The following KATNAL2 variants were observed in gnomAD, a reference collection of about 807,000 sequenced individuals.
KATNAL2 encodes the protein katanin catalytic subunit A1 like 2, also known as katanin p60 ATPase-containing subunit A-like 2.
In KATNAL2, 52 loss-of-function variants were observed where a neutral mutation model predicts 76.3. The ratio of observed to expected loss-of-function variants is 0.68; its 90% CI spans 0.55 to 0.86. KATNAL2 has a LOEUF of 0.86. Ranked by LOEUF, KATNAL2 falls within the 40% of genes least tolerant of loss-of-function variation. The pLI, the probability that KATNAL2 is intolerant of heterozygous loss-of-function variation, is 0.00. For missense variants in KATNAL2, 660 were observed against 668.9 expected, an observed-to-expected ratio of 0.99 and a Z score of 0.15; for synonymous variants, 243 against 244.2, an observed-to-expected ratio of 1.00 and a Z score of 0.05.
chr18:46,926,461 A>G (rs2146518801), intron 1 of KATNAL2, among the ~76,000 whole-genome samples: 2 of 152,102 alleles, frequency 1.3e-5, no homozygotes, highest in African/African-American at 4.8e-5. Flanking sequence ...AGTTTGTTAT[A>G]ATTGCTGTTC....
intron 1 of KATNAL2, among the ~76,000 whole-genome samples, chr18:46,943,541 G>A (rs1970669): frequency 1 from 152,290 of 152,306 alleles, 76,137 homozygotes; most frequent in Middle Eastern, 1. Context: ...AAATGCCATG[G>A]CAATGTTAGG....
In KATNAL2 at chr18:47,100,317, G is replaced by C. The variant is rs369811935; in HGVS notation, c.1438G>C (p.Val480Leu). Residue 480 changes from valine (V) to leucine (L), a missense_variant, in exon 17 of 18, where the codon GTG (valine) becomes CTG (leucine). Coordinates refer to ENST00000683218, the MANE Select transcript of KATNAL2 (RefSeq NM_001387690.1). ...LVCREAAMRP[V>L]RKIFDALENH... ...CTGCAGGGAAGCAGCCATGCGGCCCGTGAGGAAGATCTTTGATGCACTTGA... is the reference window on the plus strand; with the variant it reads ...CTGCAGGGAAGCAGCCATGCGGCCCCTGAGGAAGATCTTTGATGCACTTGA... 3 of 1,614,130 alleles carry C rather than the reference G, an allele frequency of 1.9e-6. No individual in the cohort carries two copies. The highest frequency in any genetic ancestry group is 1.7e-6 in the Non-Finnish European group (2 of 1,179,968).
At chr18:47,034,379 C>T (rs1569054024) in intron 3 of KATNAL2, 6 of 1,613,964 alleles carry the variant, frequency 3.7e-6, no homozygotes, top group Non-Finnish European at 5.1e-6. Flanking sequence ...TCCTCCAAGG[C>T]AGGGACACGC....
intron 15 of KATNAL2, 27 bp from the exon 16 acceptor site, chr18:47,099,206 GCAGCCCTGTC>G: frequency 6.4e-7 from 1 of 1,567,392 alleles, no homozygotes; most frequent in Non-Finnish European, 8.7e-7. Flanking sequence ...AAGTGTGTTT[GCAGCCCTGTC>G]CAGCTCCATT....
intron 1 of KATNAL2, among the ~76,000 whole-genome samples, chr18:46,930,777 A>G (rs1274365117): frequency 6.6e-6 from 1 of 151,478 alleles, no homozygotes; most frequent in Non-Finnish European, 1.5e-5. Context: ...ATTGCACCTC[A>G]GCTTGGGTGA....
intron 1 of KATNAL2, among the ~76,000 whole-genome samples, chr18:46,939,279 A>C (rs1489010949): frequency 1.3e-5 from 2 of 151,780 alleles, no homozygotes; most frequent in Non-Finnish European, 2.9e-5. Flanking sequence ...GTTGCAGTGA[A>C]CCGAGATTGT....
intron 5 of KATNAL2, among the ~76,000 whole-genome samples, chr18:47,053,410 A>G (rs997135125): frequency 6.6e-6 from 1 of 152,244 alleles, no homozygotes; most frequent in African/African-American, 2.4e-5. Context: ...GAGACCTATT[A>G]TCTGTCTTGA....
intron 1 of KATNAL2, among the ~76,000 whole-genome samples, chr18:46,930,806 T>TA (rs1254726725): frequency 6.9e-6 from 1 of 143,996 alleles, no homozygotes; most frequent in Non-Finnish European, 1.5e-5. Context: ...GACTCCATGT[T>TA]AAAAAAAATA....
At chr18:47,035,823 A>G (rs182702293) in intron 3 of KATNAL2, among the ~76,000 whole-genome samples, 1 of 152,332 alleles carries the variant, frequency 6.6e-6, no homozygotes, top group Non-Finnish European at 1.5e-5. Context: ...CACAGACTGA[A>G]TCTTCTTGGG....
At chr18:46,924,478 G>A (rs1467196365) in intron 1 of KATNAL2, among the ~76,000 whole-genome samples, 1 of 152,144 alleles carries the variant, frequency 6.6e-6, no homozygotes, top group Non-Finnish European at 1.5e-5. Context: ...AGTTACTGTG[G>A]CCTTGTAGTA....
At chr18:47,064,181 G>A (rs2061719706) in intron 10 of KATNAL2, among the ~76,000 whole-genome samples, 1 of 151,568 alleles carries the variant, frequency 6.6e-6, no homozygotes, top group Non-Finnish European at 1.5e-5. Context: ...ACGAGTCAGA[G>A]CATAGTCCTT....
At chr18:46,948,345 C>G (rs1214354570) in intron 3 of KATNAL2, among the ~76,000 whole-genome samples, 1 of 151,354 alleles carries the variant, frequency 6.6e-6, no homozygotes, top group Non-Finnish European at 1.5e-5. Flanking sequence ...CTTTTGAGCT[C>G]AGGCAATCTT....
intron 1 of KATNAL2, 40 bp downstream of exon 1, chr18:46,917,966 A>T (rs2058183579): frequency 1.3e-5 from 2 of 151,972 alleles, no homozygotes; most frequent in Non-Finnish European, 2.9e-5. Context: ...GTTGTGTGAC[A>T]CCTCTTTGAA....
chr18:46,930,070 G>A (rs1005194304), intron 1 of KATNAL2, among the ~76,000 whole-genome samples: 3 of 152,112 alleles, frequency 2.0e-5, no homozygotes, highest in Non-Finnish European at 4.4e-5. Flanking sequence ...CACTGCACCT[G>A]GTCCTTAACT....
chr18:46,922,671 C>A (rs188441844), intron 1 of KATNAL2, among the ~76,000 whole-genome samples: 2 of 151,562 alleles, frequency 1.3e-5, no homozygotes, highest in African/African-American at 4.8e-5. Flanking sequence ...GTGGTGCATG[C>A]CTGTAATCCT....
chr18:46,939,125 A>G (rs2146611089), intron 1 of KATNAL2, among the ~76,000 whole-genome samples: 1 of 152,206 alleles, frequency 6.6e-6, no homozygotes, highest in East Asian at 1.9e-4. Flanking sequence ...GCAGATCACA[A>G]GGTCAGGAGA....
rs148791504 is a variant in KATNAL2, at chr18:47,058,287, C to T, written c.385C>T (p.Arg129Trp). 748 of 1,613,976 alleles carry T rather than the reference C, an allele frequency of 4.6e-4. 1 individual carries two copies. The highest frequency in any genetic ancestry group is 4.0e-3 in the East Asian group (181 of 44,858). Reference protein sequence around the residue: ...NLPKINQQRPRSKTTAGKTGD... With the variant: ...NLPKINQQRPWSKTTAGKTGD... ...TCCCAAGATCAATCAGCAGAGGCCCCGGTCCAAAACCACAGCGGGGAAGAC... is the reference window on the plus strand; with the variant it reads ...TCCCAAGATCAATCAGCAGAGGCCCTGGTCCAAAACCACAGCGGGGAAGAC... The change falls in exon 7 of 18, where the codon CGG (arginine) becomes TGG (tryptophan). Residue 129 changes from arginine to tryptophan, a missense_variant. Coordinates refer to ENST00000683218, the MANE Select transcript of KATNAL2 (RefSeq NM_001387690.1).
intron 3 of KATNAL2, among the ~76,000 whole-genome samples, chr18:47,035,933 T>C (rs1408831628): frequency 6.6e-6 from 1 of 152,172 alleles, no homozygotes; most frequent in East Asian, 1.9e-4. Context: ...TGAGGGGACT[T>C]CCCAAATTTG....
chr18:47,059,608 C>G lies in KATNAL2; in HGVS notation c.503C>G (p.Ser168Ter). 1 of 1,613,734 alleles carries G rather than the reference C, an allele frequency of 6.2e-7. No individual in the cohort carries two copies. Among genetic ancestry groups the G allele is most frequent in the Non-Finnish European group, 8.5e-7 (1 of 1,179,658 alleles). ...LESANFGLHI[S>*]RIRKDSGEEN... ...AGTGCCAACTTCGGCCTACATATAT[C>G]AAGAATCCGTAAAGACAGTGGAGAG... The change falls in exon 8 of 18, where the codon TCA becomes TGA. Residue 168 changes from serine to a stop codon, truncating the protein, a stop_gained. Transcript: ENST00000683218. LOFTEE classifies it high-confidence loss of function.
Sources: gnomAD v4.1 joint callset for allele counts (sites outside exome capture counted in the v4.1 genomes callset) on GRCh38, gnomAD v4.1.1 for gene constraint, MANE v1.5 for transcripts, NCBI Gene and HGNC (gene_info 2026-07-23, HGNC 2026-07-21) for gene names.